UNC80: variants seen among roughly 807,000 people sequenced by gnomAD.
The protein encoded by UNC80 is unc-80 subunit of NALCN channel complex.
Under a neutral mutation model 384.6 loss-of-function variants are expected in UNC80, and 164 were observed. The observed-to-expected ratio is 0.43, with a 90% CI of 0.38 to 0.49. The LOEUF (loss-of-function observed/expected upper bound fraction) is 0.49. Ranked by LOEUF, UNC80 falls within the 20% of genes least tolerant of loss-of-function variation. UNC80 has a pLI of 0.00. For missense variants in UNC80, 3,330 were observed against 4,143.0 expected, an observed-to-expected ratio of 0.80 and a Z score of 5.39; for synonymous variants, 1,486 against 1,527.8, an observed-to-expected ratio of 0.97 and a Z score of 0.64.
intron 10 of UNC80, 113 bp downstream of exon 10, chr2:209,817,238 G>A (rs1038606166): frequency 1.9e-4 from 193 of 1,040,070 alleles, no homozygotes; most frequent in Non-Finnish European, 2.6e-4. Flanking sequence ...CAAGAAATTT[G>A]GGGCTCAAAT....
chr2:209,918,773 G>A lies in UNC80; in HGVS notation c.5343+110G>A, dbSNP rs1455320375. 3 of 1,257,290 alleles carry A rather than the reference G, an allele frequency of 2.4e-6. No homozygotes were observed. In the Admixed American group the frequency reaches 8.6e-5, roughly 36 times the overall value. 77.9% of individuals were successfully genotyped at this position (1,257,290 alleles called of 1,614,324 possible). A position where few individuals can be genotyped will look rare whatever the true frequency, so the allele number is the denominator to read the frequency against. ...TAAGAATGTAATAATAACACAGAAA[G>A]TCAGCACAAAAGATCTTTGTCCTTG... is the stretch of plus-strand genomic sequence containing the variant. On this transcript the variant is annotated intron_variant, in intron 33 of 64. Coordinates refer to ENST00000673920, the MANE Select transcript of UNC80 (RefSeq NM_001371986.1).
At chr2:209,915,239 T>C (rs1416428112) in intron 31 of UNC80, among the ~76,000 whole-genome samples, 1 of 151,364 alleles carries the variant, frequency 6.6e-6, no homozygotes, top group Non-Finnish European at 1.5e-5. Flanking sequence ...CCATCTCTAC[T>C]AAAAATACAA....
At position 209,967,512 on chromosome 2, in the gene UNC80, G is replaced by A. The variant is rs1287001388; in HGVS notation, c.7881G>A (p.Arg2627=). The change falls in exon 52 of 65, where the codon CGG becomes CGA. Residue 2627 remains arginine, a synonymous_variant. Coordinates refer to ENST00000673920, the MANE Select transcript of UNC80 (RefSeq NM_001371986.1). ...DTQTMESRGL[R]RYIMEMLPIT... The stretch of plus-strand genomic sequence containing the variant: ...AGACAATGGAGAGTCGTGGGCTTCG[G>A]CGCTACATCATGGAGATGCTACCCA... 6.4e-7 allele frequency: 1 copy of A among 1,551,566 alleles called. No homozygotes were observed. The highest frequency in any genetic ancestry group is 1.4e-5 in the African/African-American group (1 of 73,102).
chr2:209,809,450 A>C, intron 7 of UNC80: 1 of 1,474,776 alleles, frequency 6.8e-7, no homozygotes, highest in Admixed American at 1.7e-5. Flanking sequence ...GACCGCTCCA[A>C]CCTGCGGGCC....
chr2:209,801,488 T>G (rs2078550352), intron 7 of UNC80, among the ~76,000 whole-genome samples: 1 of 149,384 alleles, frequency 6.7e-6, no homozygotes, highest in African/African-American at 2.5e-5. Flanking sequence ...ATTCAAGCGA[T>G]TCTCCTGCCT....
chr2:209,984,118 T>C (rs1349904912), intron 60 of UNC80, among the ~76,000 whole-genome samples: 2 of 152,210 alleles, frequency 1.3e-5, no homozygotes, highest in Non-Finnish European at 2.9e-5. Flanking sequence ...ACAGTTTCTG[T>C]TCACAAATCT....
intron 13 of UNC80, among the ~76,000 whole-genome samples, chr2:209,823,426 G>A (rs1225189625): frequency 6.6e-6 from 1 of 152,062 alleles, no homozygotes; most frequent in African/African-American, 2.4e-5. Context: ...GCTGCATAAG[G>A]CTTTGTAGCC....
chr2:209,839,360 C>G lies in UNC80; in HGVS notation c.3180C>G (p.Thr1060=), dbSNP rs1411894092. The stretch of plus-strand genomic sequence containing the variant: ...AATGCACGACTGCCCACTCAGGGAC[C>G]ACCTCTGACCGACGTGCCCGCTCAC... ...TSECTTAHSG[T]TSDRRARSRS... Residue 1060 remains threonine, a synonymous_variant, in exon 19 of 65, where the codon ACC becomes ACG. Transcript: ENST00000673920. This position sits in a 1 kb window ranked among gnomAD's most constrained non-coding sequence, Gnocchi z 4.1. 6.4e-7 allele frequency: 1 copy of G among 1,551,944 alleles called. No individual in the cohort carries two copies. The highest frequency in any genetic ancestry group is 8.7e-7 in the Non-Finnish European group (1 of 1,147,056).
At chr2:209,979,228 A>G (rs1044214052) in intron 59 of UNC80, among the ~76,000 whole-genome samples, 3 of 152,196 alleles carry the variant, frequency 2.0e-5, no homozygotes, top group African/African-American at 7.2e-5. Context: ...CAGCCTGGGC[A>G]ACAGAGCGAG....
At chr2:209,840,702 G>A (rs2081672015) in intron 20 of UNC80, 54 bp downstream of exon 20, 2 of 1,437,530 alleles carry the variant, frequency 1.4e-6, no homozygotes, top group Non-Finnish European at 1.9e-6. Flanking sequence ...ATACAAACAT[G>A]TGAAGGCTGA....
In UNC80 at chr2:209,825,937, C is replaced by G; in HGVS notation, c.2362C>G (p.Leu788Val). 2 of 1,550,280 alleles carry G rather than the reference C, an allele frequency of 1.3e-6. No homozygotes were observed. The highest frequency in any genetic ancestry group is 1.7e-6 in the Non-Finnish European group (2 of 1,146,222). The change falls in exon 14 of 65, where the codon CTT (leucine) becomes GTT (valine). Residue 788 changes from leucine to valine, a missense_variant. Transcript: ENST00000673920. ...AAGTACACCTGTAAGCAACCATAGG[C>G]TTGCTCTAACAATGCTCATCAAAAT... is the stretch of plus-strand genomic sequence containing the variant. ...DESTPVSNHRLALTMLIKIVK... is the reference protein window; with the variant it reads ...DESTPVSNHRVALTMLIKIVK...
intron 22 of UNC80, among the ~76,000 whole-genome samples, chr2:209,867,523 C>G (rs932052326): frequency 6.6e-6 from 1 of 152,172 alleles, no homozygotes; most frequent in Non-Finnish European, 1.5e-5. Context: ...TTCTCCCCCT[C>G]TGTCCTACCC....
At position 209,976,065 on chromosome 2, in the gene UNC80, G is replaced by C. The variant is rs1329345679; in HGVS notation, c.8588-54G>C. ...ATAAAGGGCTCTGGATGTAGGTTGGGTTCCTCGGAAGCACACGTCCGCAGG... is the reference window on the plus strand; with the variant it reads ...ATAAAGGGCTCTGGATGTAGGTTGGCTTCCTCGGAAGCACACGTCCGCAGG... On this transcript the variant is annotated intron_variant, in intron 56 of 64. Coordinates refer to ENST00000673920, the MANE Select transcript of UNC80 (RefSeq NM_001371986.1). The surrounding 1 kb of genome is among the most constrained non-coding windows in gnomAD (Gnocchi z 4.3). 4 of 1,501,606 alleles carry C rather than the reference G, an allele frequency of 2.7e-6. No individual in the cohort carries two copies. Among genetic ancestry groups the C allele is most frequent in the Admixed American group, 2.4e-5 (1 of 40,896 alleles). 93.0% of individuals were successfully genotyped at this position (1,501,606 alleles called of 1,614,324 possible). A position where few individuals can be genotyped will look rare whatever the true frequency, so the allele number is the denominator to read the frequency against.
intron 39 of UNC80, among the ~76,000 whole-genome samples, chr2:209,934,528 C>T (rs995970484): frequency 1.3e-5 from 2 of 152,112 alleles, no homozygotes; most frequent in Admixed American, 6.6e-5. Context: ...AAGATTTGGA[C>T]AATTCTTTAT....
chr2:209,972,200 G>A lies in UNC80; in HGVS notation c.8257-1G>A. On this transcript the variant is annotated splice_acceptor_variant, in intron 54 of 64. Transcript: ENST00000673920. LOFTEE classifies it high-confidence loss of function. ...TCTTTTCTTCTATTATTGCTGCACA[G>A]GCTTTAAAAGAAGATTTTCCTTTAA... The A allele has an allele frequency of 2.6e-6, 4 of 1,550,584 alleles. No homozygotes were observed. The highest frequency in any genetic ancestry group is 3.5e-6 in the Non-Finnish European group (4 of 1,146,364).
At chr2:209,986,339 AT>A (rs2093286990) in intron 61 of UNC80, among the ~76,000 whole-genome samples, 1 of 152,216 alleles carries the variant, frequency 6.6e-6, no homozygotes, top group African/African-American at 2.4e-5. Flanking sequence ...ATTAGGCCAA[AT>A]TCTACTCTTG....
At chr2:209,821,749 A>T (rs2080147948) in intron 13 of UNC80, among the ~76,000 whole-genome samples, 1 of 152,182 alleles carries the variant, frequency 6.6e-6, no homozygotes, top group East Asian at 1.9e-4. Context: ...CTACAGCTTA[A>T]ATTCACATAA....
intron 22 of UNC80, among the ~76,000 whole-genome samples, chr2:209,852,024 A>C (rs1382542944): frequency 6.6e-6 from 1 of 152,106 alleles, no homozygotes; most frequent in Non-Finnish European, 1.5e-5. Flanking sequence ...AAAATGAAGG[A>C]GCGCTGGAGC....
rs1172680063 is a variant in UNC80 at position 209,955,722 on chromosome 2, TATATATATATATATATACACACACAC to T, written c.7457+1454_7457+1479del. Among the ~76,000 whole-genome samples the T allele has an allele frequency of 3.9e-4, 33 of 84,888 alleles. 1 individual carries two copies. Among genetic ancestry groups the T allele is most frequent in the African/African-American group, 2.1e-3 (33 of 15,640 alleles). The allele number at this position is 84,888 out of a possible 152,430, so 55.7% of individuals were successfully genotyped here. On this transcript the variant is annotated intron_variant, in intron 48 of 64. Transcript: ENST00000673920. Reference sequence around the variant, plus strand: ...ATATATATATATATATATATATATATATATATATATATATATACACACACACACACACACACAGAGAGAGACTGACT... The same window carrying T: ...ATATATATATATATATATATATATATACACACACACAGAGAGAGACTGACT...
Sources: allele counts gnomAD v4.1 joint callset (sites outside exome capture counted in the v4.1 genomes callset), GRCh38; gene constraint gnomAD v4.1.1; non-coding constraint Gnocchi (gnomAD v3.1); transcripts MANE v1.5; gene names NCBI Gene and HGNC (gene_info 2026-07-23, HGNC 2026-07-21).